Variants in TFCP2L1 observed in about 807,000 individuals in gnomAD.
TFCP2L1 encodes the protein transcription factor CP2 like 1.
Under a neutral mutation model 72.2 loss-of-function variants are expected in TFCP2L1, and 12 were observed. That is an observed-to-expected ratio of 0.17 (90% confidence interval 0.11 to 0.27). TFCP2L1 has a LOEUF of 0.27. TFCP2L1 is among the 10% of genes least tolerant of loss of function. The probability of loss-of-function intolerance (pLI) is 1.00; values close to 1 mark genes in which losing one functional copy is unlikely to be tolerated. For synonymous variants in TFCP2L1, 260 were observed against 251.0 expected, an observed-to-expected ratio of 1.04 and a Z score of -0.34; for missense variants, 488 against 624.6, an observed-to-expected ratio of 0.78 and a Z score of 2.33.
At chr2:121,250,640 T>G (rs1440857504) in intron 2 of TFCP2L1, among the ~76,000 whole-genome samples, 2 of 149,748 alleles carry the variant, frequency 1.3e-5, no homozygotes, top group African/African-American at 4.9e-5. Context: ...GGAGTCTCAC[T>G]CTGTTGCCCA....
intron 2 of TFCP2L1, among the ~76,000 whole-genome samples, chr2:121,250,055 G>C (rs946334171): frequency 6.6e-6 from 1 of 152,220 alleles, no homozygotes; most frequent in African/African-American, 2.4e-5. Flanking sequence ...CACCCTTCCT[G>C]AGAGCAGGTT....
At chr2:121,266,882 A>ATTATTTATTTAT (rs199919633) in intron 2 of TFCP2L1, among the ~76,000 whole-genome samples, 1 of 145,802 alleles carries the variant, frequency 6.9e-6, no homozygotes, top group Non-Finnish European at 1.5e-5. Context: ...TATTTTTTTC[A>ATTATTTATTTAT]TTATTTATTT....
chr2:121,252,986 G>A (rs1686641747), intron 2 of TFCP2L1, among the ~76,000 whole-genome samples: 1 of 152,212 alleles, frequency 6.6e-6, no homozygotes, highest in African/African-American at 2.4e-5. Flanking sequence ...ACAGCGAGCT[G>A]CTGTCTCTAT....
At chr2:121,232,109 TTTG>T in intron 12 of TFCP2L1, 141 bp from the exon 13 acceptor site, 1 of 75,372 alleles carries the variant, frequency 1.3e-5, no homozygotes, top group East Asian at 1.1e-4. Flanking sequence ...TGCCACTCTT[TTTG>T]TTTTGTTTTG....
intron 2 of TFCP2L1, among the ~76,000 whole-genome samples, chr2:121,250,392 G>GTA (rs1264838269): frequency 2.9e-4 from 43 of 149,962 alleles, no homozygotes; most frequent in African/African-American, 7.8e-4. Context: ...ATATGTATGT[G>GTA]TATATATATA....
intron 13 of TFCP2L1, among the ~76,000 whole-genome samples, chr2:121,226,682 C>T (rs1686037621): frequency 6.6e-6 from 1 of 152,188 alleles, no homozygotes; most frequent in African/African-American, 2.4e-5. Flanking sequence ...TGACCTTGGA[C>T]AAGCCAACCT....
chr2:121,284,100 T>A (rs1230798303), intron 1 of TFCP2L1, among the ~76,000 whole-genome samples: 1 of 152,216 alleles, frequency 6.6e-6, no homozygotes, highest in Non-Finnish European at 1.5e-5. Flanking sequence ...TGGGAACTTC[T>A]TGGGGCCAAA....
chr2:121,231,307 C>T (rs572865878), intron 13 of TFCP2L1, among the ~76,000 whole-genome samples: 7 of 152,346 alleles, frequency 4.6e-5, no homozygotes, highest in African/African-American at 9.6e-5. Flanking sequence ...TAGCCATGAG[C>T]GGGTCAGATC....
Position 121,227,285 on chromosome 2 carries a change from T to C in TFCP2L1, c.1342-1672A>G, listed in dbSNP as rs374315252. Reference sequence around the variant, plus strand: ...AACATTCTGGTAACCTGAGTGCAGGTACATGGGTACTTCAATGGTTCTTTA... The same window carrying C: ...AACATTCTGGTAACCTGAGTGCAGGCACATGGGTACTTCAATGGTTCTTTA... On this transcript the variant is annotated intron_variant, in intron 13 of 14. Coordinates refer to ENST00000263707, the MANE Select transcript of TFCP2L1 (RefSeq NM_014553.3). 3.6e-4 allele frequency among the ~76,000 whole-genome samples: 55 copies of C among 152,372 alleles called. 3 individuals carry two copies. In the South Asian group the frequency reaches 0.011, roughly 30 times the overall value.
chr2:121,242,574 G>A, intron 6 of TFCP2L1, 105 bp from the exon 7 acceptor site: 1 of 1,029,682 alleles, frequency 9.7e-7, no homozygotes, highest in Non-Finnish European at 1.5e-6. Flanking sequence ...GGCGCAGGGA[G>A]GAACTCAGGG....
chr2:121,228,693 G>A (rs918535968), intron 13 of TFCP2L1, among the ~76,000 whole-genome samples: 1 of 150,016 alleles, frequency 6.7e-6, no homozygotes, highest in African/African-American at 2.5e-5. Context: ...CTGAGCCCAG[G>A]AGGTCGAGGC....
rs934929681 is a variant in TFCP2L1 at position 121,219,376 on chromosome 2, T to A, written c.*4965A>T. ...CCAGGTACACATGTAAACACGCACA[T>A]GTGCACCAATGACACAGACTGTGCC... On this transcript the variant is annotated 3_prime_UTR_variant, in exon 15 of 15. Coordinates refer to ENST00000263707, the MANE Select transcript of TFCP2L1 (RefSeq NM_014553.3). The A allele has an allele frequency of 6.6e-6, 1 of 152,250 alleles. No individual in the cohort carries two copies. Among genetic ancestry groups the A allele is most frequent in the Non-Finnish European group, 1.5e-5 (1 of 68,054 alleles). 9.4% of individuals were successfully genotyped at this position (152,250 alleles called of 1,614,324 possible). A position where few individuals can be genotyped will look rare whatever the true frequency, so the allele number is the denominator to read the frequency against.
intron 3 of TFCP2L1, among the ~76,000 whole-genome samples, 168 bp downstream of exon 3, chr2:121,249,403 G>A (rs2104705125): frequency 6.6e-6 from 1 of 152,296 alleles, no homozygotes; most frequent in South Asian, 2.1e-4. Context: ...CTGGGCAACA[G>A]GCTCCAGAGA....
rs528858608 is a variant in TFCP2L1 at position 121,217,484 on chromosome 2, T to C, written c.*6857A>G. The C allele has an allele frequency of 6.6e-6, 1 of 152,478 alleles. No individual in the cohort carries two copies. Among genetic ancestry groups the C allele is most frequent in the South Asian group, 2.1e-4 (1 of 4,828 alleles). 9.4% of individuals were successfully genotyped at this position (152,478 alleles called of 1,614,324 possible). ...AGGCTGTCCATCCTCCAATGGCAGA[T>C]GCAGAATTCTCAGGCCCAGGATACC... On this transcript the variant is annotated 3_prime_UTR_variant, in exon 15 of 15. Coordinates refer to ENST00000263707, the MANE Select transcript of TFCP2L1 (RefSeq NM_014553.3).
intron 2 of TFCP2L1, 76 bp downstream of exon 2, chr2:121,281,044 A>G: frequency 6.3e-7 from 1 of 1,592,916 alleles, no homozygotes; most frequent in Non-Finnish European, 8.5e-7. Context: ...CAAAGTCACA[A>G]GGCCCAAATG....
chr2:121,271,018 C>T (rs1190130510), intron 2 of TFCP2L1, among the ~76,000 whole-genome samples: 2 of 151,608 alleles, frequency 1.3e-5, no homozygotes, highest in African/African-American at 2.4e-5. Flanking sequence ...GGTGAAACCC[C>T]GTCTCTATTA....
intron 2 of TFCP2L1, among the ~76,000 whole-genome samples, chr2:121,256,840 C>T (rs1184019906): frequency 6.6e-6 from 1 of 152,038 alleles, no homozygotes; most frequent in African/African-American, 2.4e-5. Flanking sequence ...CCTGTAATCC[C>T]AGCTACTCAG....
chr2:121,245,272 T>C (rs983081060), intron 6 of TFCP2L1, among the ~76,000 whole-genome samples: 1 of 152,120 alleles, frequency 6.6e-6, no homozygotes, highest in African/African-American at 2.4e-5. Flanking sequence ...GAAGCTGGAA[T>C]AGGCAAGAGC....
At chr2:121,225,509 C>A (rs1686010574) in intron 14 of TFCP2L1, 53 bp downstream of exon 14, 1 of 1,569,368 alleles carries the variant, frequency 6.4e-7, no homozygotes, top group Admixed American at 1.7e-5. Context: ...GCAGGCAGGC[C>A]CCACCCTCTC....
Sources: gnomAD v4.1 joint callset for allele counts (sites outside exome capture counted in the v4.1 genomes callset) on GRCh38, gnomAD v4.1.1 for gene constraint, MANE v1.5 for transcripts, NCBI Gene and HGNC (gene_info 2026-07-23, HGNC 2026-07-21) for gene names.